Variants in BLTP3B observed in about 807,000 individuals in gnomAD.
The protein encoded by BLTP3B is UHRF1 (ICBP90) binding protein 1-like.
At chr12:100,121,941 T>TAC in the BLTP3B span, among the ~76,000 whole-genome samples, 87 of 151,844 alleles carry the variant, frequency 5.7e-4, no homozygotes, top group Admixed American at 3.5e-3. Flanking sequence ...ACTATATATA[T>TAC]ACACACACAT....
chr12:100,139,967 A>C, the BLTP3B span, among the ~76,000 whole-genome samples: 1 of 152,248 alleles, frequency 6.6e-6, no homozygotes, highest in Non-Finnish European at 1.5e-5. Flanking sequence ...CACAGGCCTC[A>C]CATGATGTCT....
the BLTP3B span, among the ~76,000 whole-genome samples, chr12:100,129,765 C>A: frequency 6.6e-6 from 1 of 151,976 alleles, no homozygotes; most frequent in Non-Finnish European, 1.5e-5. Flanking sequence ...AATAAGACAA[C>A]AAAACATGGG....
the BLTP3B span, chr12:100,059,381 A>G: frequency 1.1e-5 from 17 of 1,613,910 alleles, no homozygotes; most frequent in East Asian, 3.3e-4. Context: ...AAAAATCACA[A>G]TCTTTAAAGT....
At chr12:100,050,530 T>C in the BLTP3B span, among the ~76,000 whole-genome samples, 1 of 152,148 alleles carries the variant, frequency 6.6e-6, no homozygotes, top group East Asian at 1.9e-4. Flanking sequence ...GATTGTAAAA[T>C]GTTTTTCATT....
chr12:100,056,781 A>AC, the BLTP3B span, among the ~76,000 whole-genome samples: 2 of 151,882 alleles, frequency 1.3e-5, no homozygotes, highest in Non-Finnish European at 2.9e-5. Flanking sequence ...AGGTTTCAGT[A>AC]AGCTGAGATC....
At chr12:100,039,803 T>C in the BLTP3B span, 1 of 1,597,876 alleles carries the variant, frequency 6.3e-7, no homozygotes, top group East Asian at 2.2e-5. Context: ...ATCAAACAAA[T>C]AACATGCTCA....
At chr12:100,039,867 A>G in the BLTP3B span, 4 of 1,302,240 alleles carry the variant, frequency 3.1e-6, no homozygotes, top group East Asian at 7.7e-5. Flanking sequence ...GTGAAAATCT[A>G]ATTTAAAACT....
chr12:100,043,105 C>T, the BLTP3B span, among the ~76,000 whole-genome samples: 4 of 152,278 alleles, frequency 2.6e-5, no homozygotes, highest in African/African-American at 9.6e-5. Context: ...AGCCAGCAAT[C>T]AAGTATTTTT....
the BLTP3B span, among the ~76,000 whole-genome samples, chr12:100,138,866 T>C: frequency 1.6e-4 from 24 of 150,598 alleles, no homozygotes; most frequent in Admixed American, 2.0e-4. Context: ...CACATACACA[T>C]ACACACACAC....
the BLTP3B span, among the ~76,000 whole-genome samples, chr12:100,101,642 A>G: frequency 2.0e-5 from 3 of 152,236 alleles, no homozygotes; most frequent in African/African-American, 4.8e-5. Flanking sequence ...TAAAAATTTA[A>G]TAACTTCTAA....
chr12:100,038,100 C>T, the BLTP3B span, among the ~76,000 whole-genome samples: 1 of 152,144 alleles, frequency 6.6e-6, no homozygotes, highest in African/African-American at 2.4e-5. Context: ...GGCTTTTATG[C>T]CACAGCTGTT....
chr12:100,067,902 A>T, the BLTP3B span, among the ~76,000 whole-genome samples: 1 of 152,234 alleles, frequency 6.6e-6, no homozygotes, highest in African/African-American at 2.4e-5. Context: ...TGGAATCAAT[A>T]TTGGGAAAAT....
chr12:100,137,670 C>A, the BLTP3B span, among the ~76,000 whole-genome samples: 2 of 152,112 alleles, frequency 1.3e-5, no homozygotes, highest in Non-Finnish European at 2.9e-5. Context: ...CGTATTTCCA[C>A]CCCAGATATT....
At chr12:100,091,467 C>T in the BLTP3B span, among the ~76,000 whole-genome samples, 1 of 151,354 alleles carries the variant, frequency 6.6e-6, no homozygotes, top group African/African-American at 2.4e-5. Flanking sequence ...GGATTTCAGG[C>T]GTGAGCCACA....
chr12:100,087,169 A>G, the BLTP3B span, among the ~76,000 whole-genome samples: 1 of 151,516 alleles, frequency 6.6e-6, no homozygotes, highest in African/African-American at 2.4e-5. Flanking sequence ...AAAAAAAAAA[A>G]AAAAAAAAAA....
the BLTP3B span, among the ~76,000 whole-genome samples, chr12:100,136,962 C>A: frequency 1.3e-5 from 2 of 152,138 alleles, no homozygotes; most frequent in African/African-American, 4.8e-5. Context: ...CAGGCATGGG[C>A]CACCACACCC....
chr12:100,060,936 A>T, the BLTP3B span, among the ~76,000 whole-genome samples: 1 of 152,290 alleles, frequency 6.6e-6, no homozygotes, highest in East Asian at 1.9e-4. Flanking sequence ...AATATGGTTT[A>T]TTTGCTTATG....
At chr12:100,052,732 A>C in the BLTP3B span, among the ~76,000 whole-genome samples, 2 of 151,756 alleles carry the variant, frequency 1.3e-5, no homozygotes, top group Non-Finnish European at 2.9e-5. Context: ...ACAAGTTATC[A>C]GCAGTACAGT....
At chr12:100,051,634 A>G in the BLTP3B span, 1 of 153,596 alleles carries the variant, frequency 6.5e-6, no homozygotes, top group African/African-American at 2.4e-5. Flanking sequence ...TACATTATTA[A>G]AAAAATGGCC....
Sources: gnomAD v4.1 joint callset for allele counts (sites outside exome capture counted in the v4.1 genomes callset) on GRCh38, gnomAD v4.1.1 for gene constraint, MANE v1.5 for transcripts, NCBI Gene and HGNC (gene_info 2026-07-23, HGNC 2026-07-21) for gene names.